Variants in SWT1 observed in about 807,000 individuals in gnomAD.
SWT1 encodes the protein SWT1 RNA endoribonuclease homolog.
Under a neutral mutation model 107.3 loss-of-function variants are expected in SWT1, and 33 were observed. The observed-to-expected ratio is 0.31, with a 90% CI of 0.23 to 0.41. SWT1 has a LOEUF of 0.41. Ranked by LOEUF, SWT1 falls within the 10% of genes least tolerant of loss-of-function variation. The pLI, the probability that SWT1 is intolerant of heterozygous loss-of-function variation, is 1.00. For synonymous variants in SWT1, 345 were observed against 348.3 expected (o/e 0.99, Z 0.11); for missense variants, 898 against 1,028.9 (o/e 0.87, Z 1.74).
chr1:185,211,753 A>C (rs1422432684), intron 13 of SWT1, among the ~76,000 whole-genome samples: 1 of 152,232 alleles, frequency 6.6e-6, no homozygotes, highest in African/African-American at 2.4e-5. Context: ...AGACACATGC[A>C]CACATATGTT....
intron 16 of SWT1, among the ~76,000 whole-genome samples, chr1:185,239,325 G>A (rs374349186): frequency 5.9e-5 from 9 of 152,118 alleles, no homozygotes; most frequent in African/African-American, 2.2e-4. Flanking sequence ...GTTTACATGC[G>A]CTAATCTTGC....
At chr1:185,241,668 A>G (rs1357642407) in intron 16 of SWT1, among the ~76,000 whole-genome samples, 4 of 152,176 alleles carry the variant, frequency 2.6e-5, no homozygotes, top group African/African-American at 9.6e-5. Flanking sequence ...TTGCACAGGT[A>G]ATGACACATA....
At chr1:185,197,747 G>A (rs1229308957) in intron 10 of SWT1, among the ~76,000 whole-genome samples, 1 of 152,134 alleles carries the variant, frequency 6.6e-6, no homozygotes, top group Non-Finnish European at 1.5e-5. Context: ...TTTGCATAAA[G>A]GTGTTTATAG....
At chr1:185,210,612 A>T (rs545486245) in intron 13 of SWT1, among the ~76,000 whole-genome samples, 2 of 152,306 alleles carry the variant, frequency 1.3e-5, no homozygotes, top group Non-Finnish European at 2.9e-5. Flanking sequence ...CAAAAGATGG[A>T]AGCATTCCCT....
At chr1:185,275,760 C>T (rs1664199679) in intron 17 of SWT1, among the ~76,000 whole-genome samples, 1 of 151,934 alleles carries the variant, frequency 6.6e-6, no homozygotes, top group Non-Finnish European at 1.5e-5. Context: ...TCTATGAAAA[C>T]ATTGAAGAAA....
intron 16 of SWT1, chr1:185,258,084 GT>G (rs1381289740): frequency 6.6e-6 from 1 of 152,044 alleles, no homozygotes; most frequent in East Asian, 1.9e-4. Context: ...AAGACATACT[GT>G]TGTTAGTTTT....
intron 13 of SWT1, among the ~76,000 whole-genome samples, chr1:185,209,867 C>T (rs956151742): frequency 1.3e-5 from 2 of 152,180 alleles, no homozygotes; most frequent in African/African-American, 4.8e-5. Flanking sequence ...CCTATTTCTC[C>T]ACATCCTCTC....
Position 185,216,966 on chromosome 1 carries a change from G to A in SWT1, c.2121+2311G>A, listed in dbSNP as rs867136155. On this transcript the variant is annotated intron_variant, in intron 14 of 18. Coordinates refer to ENST00000367500, the MANE Select transcript of SWT1 (RefSeq NM_017673.7). The stretch of plus-strand genomic sequence containing the variant: ...GACTCCATTTCAAAAAAAAAAAAAA[G>A]AAAAGAAAAGAAAAAAACCAGTGAC... 5.4e-3 allele frequency among the ~76,000 whole-genome samples: 810 copies of A among 148,672 alleles called. 31 individuals carry two copies. The East Asian group carries it at 0.087, about 16-fold the overall frequency.
intron 7 of SWT1, among the ~76,000 whole-genome samples, chr1:185,182,668 CAAAAAAAAAAAAA>C (rs59326029): frequency 4.5e-5 from 3 of 67,022 alleles, no homozygotes; most frequent in Non-Finnish European, 8.5e-5. Context: ...CTCTCTCTCT[CAAAAAAAAAAAAA>C]AAAAAAAAAA....
At chr1:185,209,986 C>A (rs527351203) in intron 13 of SWT1, among the ~76,000 whole-genome samples, 1 of 152,262 alleles carries the variant, frequency 6.6e-6, no homozygotes, top group South Asian at 2.1e-4. Context: ...TGATGATGAG[C>A]TTTCTTTCAT....
chr1:185,196,551 A>T (rs184786537), intron 10 of SWT1, among the ~76,000 whole-genome samples: 275 of 152,350 alleles, frequency 1.8e-3, no homozygotes, highest in African/African-American at 6.3e-3. Context: ...TCAGGATAGC[A>T]TTGAATCAAT....
At chr1:185,277,658 G>A (rs546836431) in intron 18 of SWT1, among the ~76,000 whole-genome samples, 2 of 152,236 alleles carry the variant, frequency 1.3e-5, no homozygotes, top group Admixed American at 1.3e-4. Context: ...GAGAGTCTTA[G>A]ATTCCCTGTG....
At chr1:185,168,764 G>A (rs1365766949) in intron 4 of SWT1, among the ~76,000 whole-genome samples, 1 of 152,200 alleles carries the variant, frequency 6.6e-6, no homozygotes. Flanking sequence ...CCCGTGAAGA[G>A]AGTATGTATC....
At chr1:185,229,553 G>A (rs1408656828) in intron 15 of SWT1, among the ~76,000 whole-genome samples, 1 of 151,530 alleles carries the variant, frequency 6.6e-6, no homozygotes, top group African/African-American at 2.4e-5. Flanking sequence ...ATAGTACTTT[G>A]ATTTACTGAT....
At chr1:185,222,719 T>G (rs998404210) in intron 15 of SWT1, among the ~76,000 whole-genome samples, 2 of 132,846 alleles carry the variant, frequency 1.5e-5, no homozygotes, top group Non-Finnish European at 3.0e-5. Flanking sequence ...GAACTGACTG[T>G]GCCACTGCAC....
chr1:185,290,530 T>G (rs1468429351), intron 18 of SWT1, 144 bp from the exon 19 acceptor site: 5 of 430,486 alleles, frequency 1.2e-5, no homozygotes, highest in Non-Finnish European at 1.8e-5. Flanking sequence ...CATTCTACAA[T>G]ATATACCTAG....
intron 16 of SWT1, among the ~76,000 whole-genome samples, chr1:185,237,673 T>C (rs1337390982): frequency 6.6e-6 from 1 of 151,900 alleles, no homozygotes; most frequent in Non-Finnish European, 1.5e-5. Context: ...ATTCTGCACA[T>C]GTACCCCAGA....
chr1:185,183,916 C>T (rs974819596), intron 7 of SWT1, among the ~76,000 whole-genome samples: 2 of 152,200 alleles, frequency 1.3e-5, no homozygotes, highest in African/African-American at 4.8e-5. Flanking sequence ...CCAGGTTTCC[C>T]GTGTATTTCT....
chr1:185,166,751 T>C (rs1654608296), intron 3 of SWT1, 99 bp downstream of exon 3: 1 of 732,818 alleles, frequency 1.4e-6, no homozygotes, highest in Admixed American at 2.8e-5. Flanking sequence ...TGATAGCCAA[T>C]AGAAAGTCAG....
Sources: gnomAD v4.1 joint callset for allele counts (sites outside exome capture counted in the v4.1 genomes callset) on GRCh38, gnomAD v4.1.1 for gene constraint, MANE v1.5 for transcripts, NCBI Gene and HGNC (gene_info 2026-07-23, HGNC 2026-07-21) for gene names.